Variants in SUMF1 observed in about 807,000 individuals in gnomAD.
The protein encoded by SUMF1 is sulfatase modifying factor 1.
A neutral mutation model predicts 47.6 loss-of-function variants in SUMF1; 48 were observed. The observed-to-expected ratio is 1.01, with a 90% CI of 0.80 to 1.28. SUMF1 has a LOEUF of 1.28. Ranked by LOEUF, SUMF1 falls within the 50% of genes most tolerant of loss-of-function variation. The pLI is 0.00. For missense variants in SUMF1, 571 were observed against 485.4 expected, an observed-to-expected ratio of 1.18 and a Z score of -1.66; for synonymous variants, 230 against 192.1, an observed-to-expected ratio of 1.20 and a Z score of -1.63.
At chr3:4,317,408 C>T in intron 8 of SUMF1, 1 of 610,150 alleles carries the variant, frequency 1.6e-6, no homozygotes, top group Non-Finnish European at 2.8e-6. Flanking sequence ...TGTGGCCTGG[C>T]ATGGTGGCTT....
intron 6 of SUMF1, among the ~76,000 whole-genome samples, chr3:4,416,058 A>C (rs1701701688): frequency 6.6e-6 from 1 of 152,210 alleles, no homozygotes; most frequent in Non-Finnish European, 1.5e-5. Context: ...AAAGGGACTA[A>C]GACTAAGACA....
chr3:4,156,501 C>T (rs1301425971), intron 8 of SUMF1, among the ~76,000 whole-genome samples: 1 of 151,598 alleles, frequency 6.6e-6, no homozygotes, highest in Non-Finnish European at 1.5e-5. Context: ...ACAACTGGAA[C>T]AGAAAGGCAT....
intron 8 of SUMF1, among the ~76,000 whole-genome samples, chr3:4,355,183 C>T (rs1699591220): frequency 6.6e-6 from 1 of 152,054 alleles, no homozygotes; most frequent in South Asian, 2.1e-4. Flanking sequence ...AACTCCATCT[C>T]TACAAAATAA....
chr3:4,138,261 G>A (rs532722243), intron 8 of SUMF1, among the ~76,000 whole-genome samples: 9 of 152,228 alleles, frequency 5.9e-5, no homozygotes, highest in Middle Eastern at 3.4e-3. Context: ...ATCGAACTCT[G>A]TATAGTGAAA....
At chr3:4,282,592 C>T (rs1330429202) in intron 8 of SUMF1, among the ~76,000 whole-genome samples, 1 of 152,146 alleles carries the variant, frequency 6.6e-6, no homozygotes, top group East Asian at 1.9e-4. Flanking sequence ...AATTTCAACC[C>T]TTTTACACTA....
At chr3:4,151,474 TGTATATATGTGTATATATAC>T (rs1559514253) in intron 8 of SUMF1, among the ~76,000 whole-genome samples, 4 of 145,928 alleles carry the variant, frequency 2.7e-5, no homozygotes, top group African/African-American at 1.0e-4. Context: ...TATGTATATA[TGTATATATGTGTATATATAC>T]GTATATATGT....
At chr3:4,144,925 C>T (rs1044484464) in intron 8 of SUMF1, among the ~76,000 whole-genome samples, 6 of 152,084 alleles carry the variant, frequency 3.9e-5, no homozygotes, top group East Asian at 1.9e-4. Context: ...CTCGGCAGGG[C>T]GCGGTGGCTC....
chr3:4,237,481 A>AT (rs1373764862), intron 8 of SUMF1, among the ~76,000 whole-genome samples: 1 of 151,758 alleles, frequency 6.6e-6, no homozygotes, highest in East Asian at 1.9e-4. Context: ...TGGGTTGTTC[A>AT]TTTTCTTATT....
chr3:4,228,426 A>G (rs536378273), intron 8 of SUMF1, among the ~76,000 whole-genome samples: 2 of 152,044 alleles, frequency 1.3e-5, no homozygotes, highest in South Asian at 4.2e-4. Flanking sequence ...GCAGATGGCA[A>G]GTGACAGAAT....
At chr3:4,254,132 C>T (rs1170561413) in intron 8 of SUMF1, among the ~76,000 whole-genome samples, 1 of 151,756 alleles carries the variant, frequency 6.6e-6, no homozygotes, top group Non-Finnish European at 1.5e-5. Context: ...TCATCAAAGA[C>T]CAAAAGCAAA....
chr3:4,122,561 A>C (rs1415224801), intron 8 of SUMF1, among the ~76,000 whole-genome samples: 1 of 152,152 alleles, frequency 6.6e-6, no homozygotes, highest in Non-Finnish European at 1.5e-5. Flanking sequence ...TGTTATGTGA[A>C]TTTCACCTCA....
chr3:4,101,587 A>C (rs1236362072), intron 8 of SUMF1, among the ~76,000 whole-genome samples: 1 of 152,140 alleles, frequency 6.6e-6, no homozygotes, highest in Non-Finnish European at 1.5e-5. Flanking sequence ...TTGCACAGCA[A>C]GTCGACTACA....
At chr3:4,155,474 G>T (rs13097644) in intron 8 of SUMF1, among the ~76,000 whole-genome samples, 49,657 of 151,166 alleles carry the variant, frequency 0.33, 9,117 homozygotes, top group Non-Finnish European at 0.41. Context: ...TGAAGCAAAA[G>T]GAAGGAGATA....
chr3:4,351,820 G>T (rs187838938), intron 8 of SUMF1, among the ~76,000 whole-genome samples: 9 of 152,270 alleles, frequency 5.9e-5, no homozygotes, highest in Admixed American at 5.2e-4. Flanking sequence ...GTTTGGAGTG[G>T]ATTTAAAGCA....
At chr3:4,401,386 C>T (rs1402859007) in intron 7 of SUMF1, among the ~76,000 whole-genome samples, 2 of 152,122 alleles carry the variant, frequency 1.3e-5, no homozygotes, top group Non-Finnish European at 2.9e-5. Context: ...TGAGGAATTG[C>T]CACACTGTCT....
intron 8 of SUMF1, among the ~76,000 whole-genome samples, chr3:4,140,933 G>A (rs570802654): frequency 1.3e-5 from 2 of 151,866 alleles, no homozygotes; most frequent in South Asian, 4.2e-4. Flanking sequence ...TAGGGAAGAG[G>A]AAAAAAACAC....
chr3:4,107,259 G>A (rs1347324574), intron 8 of SUMF1, among the ~76,000 whole-genome samples: 1 of 152,090 alleles, frequency 6.6e-6, no homozygotes, highest in African/African-American at 2.4e-5. Context: ...TGAATAAATG[G>A]GAAGATAATT....
intron 8 of SUMF1, among the ~76,000 whole-genome samples, chr3:4,336,393 G>A (rs1459253046): frequency 4.6e-5 from 7 of 152,166 alleles, no homozygotes; most frequent in Admixed American, 4.6e-4. Flanking sequence ...CTCGTGCTCA[G>A]TAAATCTACA....
At chr3:4,433,657 A>G (rs1339501579) in intron 3 of SUMF1, among the ~76,000 whole-genome samples, 2 of 152,228 alleles carry the variant, frequency 1.3e-5, no homozygotes, top group African/African-American at 4.8e-5. Context: ...GGGTCATACC[A>G]GGTCTGAGCC....
Sources: gnomAD v4.1 joint callset for allele counts (sites outside exome capture counted in the v4.1 genomes callset) on GRCh38, gnomAD v4.1.1 for gene constraint, MANE v1.5 for transcripts, NCBI Gene and HGNC (gene_info 2026-07-23, HGNC 2026-07-21) for gene names.